CTNNA2: variants seen among roughly 807,000 people sequenced by gnomAD.
The protein encoded by CTNNA2 is catenin alpha 2, also known as catenin alpha-2.
In CTNNA2, 42 loss-of-function variants were observed where a neutral mutation model predicts 101.0. That is an observed-to-expected ratio of 0.42 (90% CI 0.32 to 0.54). The LOEUF is 0.54. Among genes scored for constraint, CTNNA2 ranks in the 20% least tolerant of loss-of-function variants. The probability of loss-of-function intolerance (pLI) is 0.14; values close to 1 mark genes in which losing one functional copy is unlikely to be tolerated. For missense variants in CTNNA2, 871 were observed against 1,223.1 expected, an observed-to-expected ratio of 0.71 and a Z score of 4.29; for synonymous variants, 450 against 456.4, an observed-to-expected ratio of 0.99 and a Z score of 0.18.
chr2:79,185,835 T>C (rs1459064890), intron 1 of CTNNA2, among the ~76,000 whole-genome samples: 2 of 152,018 alleles, frequency 1.3e-5, no homozygotes. Flanking sequence ...AACAGGGGAA[T>C]GGAGGGTGAA....
chr2:79,751,719 T>A (rs940975192), intron 3 of CTNNA2, among the ~76,000 whole-genome samples: 1 of 151,604 alleles, frequency 6.6e-6, no homozygotes, highest in Non-Finnish European at 1.5e-5. Context: ...GGACAGAAGC[T>A]ATCTACCTGG....
At chr2:79,889,751 G>C (rs1351365397) in intron 6 of CTNNA2, among the ~76,000 whole-genome samples, 1 of 152,156 alleles carries the variant, frequency 6.6e-6, no homozygotes, top group Admixed American at 6.5e-5. Flanking sequence ...TCCAGATTCA[G>C]CTGTGAAGCT....
intron 1 of CTNNA2, chr2:79,649,188 G>A (rs565236560): frequency 6.5e-6 from 1 of 154,450 alleles, no homozygotes; most frequent in South Asian, 2.0e-4. Context: ...CAGCATTTTT[G>A]TGTCATGTTT....
chr2:80,042,145 A>G (rs1229349434), intron 7 of CTNNA2, among the ~76,000 whole-genome samples: 4 of 152,082 alleles, frequency 2.6e-5, no homozygotes, highest in African/African-American at 4.8e-5. Context: ...TTGTATTTTT[A>G]GTGGAGACAG....
At chr2:80,220,950 C>A (rs374605151) in intron 7 of CTNNA2, among the ~76,000 whole-genome samples, 1 of 152,092 alleles carries the variant, frequency 6.6e-6, no homozygotes, top group Admixed American at 6.5e-5. Flanking sequence ...GGCACAATCT[C>A]GGCTCACTGC....
chr2:79,528,233 A>G (rs1672535076), intron 1 of CTNNA2, among the ~76,000 whole-genome samples: 1 of 151,642 alleles, frequency 6.6e-6, no homozygotes, highest in South Asian at 2.1e-4. Context: ...GGAGACACGG[A>G]GACAGGGTCT....
intron 7 of CTNNA2, among the ~76,000 whole-genome samples, chr2:80,336,156 G>T (rs1573757270): frequency 6.6e-6 from 1 of 152,152 alleles, no homozygotes; most frequent in Non-Finnish European, 1.5e-5. Context: ...CTGAAGGCTG[G>T]GAAGTCCAAG....
At chr2:79,192,347 C>T (rs1352790675) in intron 1 of CTNNA2, among the ~76,000 whole-genome samples, 1 of 152,180 alleles carries the variant, frequency 6.6e-6, no homozygotes, top group East Asian at 1.9e-4. Context: ...CAGTGTTCAA[C>T]ACAAAGTAGC....
chr2:79,419,275 T>C (rs1558662717), intron 4 of CTNNA2, among the ~76,000 whole-genome samples: 1 of 152,214 alleles, frequency 6.6e-6, no homozygotes, highest in Non-Finnish European at 1.5e-5. Flanking sequence ...ACAAAAATTA[T>C]TTAACTCATA....
intron 2 of CTNNA2, among the ~76,000 whole-genome samples, chr2:79,699,386 C>T (rs1684843853): frequency 6.6e-6 from 1 of 151,928 alleles, no homozygotes; most frequent in South Asian, 2.1e-4. Context: ...AAATTTTACA[C>T]ATAGATGATA....
At chr2:79,978,214 A>C (rs1691005609) in intron 7 of CTNNA2, among the ~76,000 whole-genome samples, 1 of 152,156 alleles carries the variant, frequency 6.6e-6, no homozygotes, top group Non-Finnish European at 1.5e-5. Flanking sequence ...CGGGCCATAC[A>C]TTTTGACCGT....
chr2:79,293,005 A>C (rs1675866086), intron 2 of CTNNA2: 1 of 152,236 alleles, frequency 6.6e-6, no homozygotes, highest in African/African-American at 2.4e-5. Context: ...GTCACCACCT[A>C]CCTGCTTTAT....
intron 2 of CTNNA2, among the ~76,000 whole-genome samples, chr2:79,292,429 T>A (rs1020956772): frequency 6.6e-6 from 1 of 152,224 alleles, no homozygotes; most frequent in Non-Finnish European, 1.5e-5. Flanking sequence ...CAAGGCAAGC[T>A]GGAAGAGAAG....
intron 7 of CTNNA2, among the ~76,000 whole-genome samples, chr2:80,017,036 T>A (rs1694198490): frequency 6.6e-6 from 1 of 152,192 alleles, no homozygotes; most frequent in Admixed American, 6.5e-5. Context: ...AGTAACTTTT[T>A]CTAAAAGCCT....
intron 2 of CTNNA2, among the ~76,000 whole-genome samples, chr2:79,664,116 G>A (rs1452547659): frequency 6.6e-6 from 1 of 152,116 alleles, no homozygotes; most frequent in Non-Finnish European, 1.5e-5. Flanking sequence ...ATGTGTTTTT[G>A]TATGTTGAAA....
At chr2:79,752,314 TTCTTAAAGGAGATAGTGA>T (rs1672099684) in intron 3 of CTNNA2, among the ~76,000 whole-genome samples, 1 of 152,336 alleles carries the variant, frequency 6.6e-6, no homozygotes, top group Non-Finnish European at 1.5e-5. Context: ...AATAGGATGT[TTCTTAAAGGAGATAGTGA>T]TCACTCTAGA....
intron 4 of CTNNA2, among the ~76,000 whole-genome samples, chr2:79,431,077 G>T (rs981919845): frequency 5.3e-5 from 8 of 152,084 alleles, no homozygotes; most frequent in African/African-American, 1.9e-4. Context: ...AACTAGAATT[G>T]TGAGGAGAAT....
chr2:79,653,829 A>G (rs1681424688), intron 2 of CTNNA2, among the ~76,000 whole-genome samples: 1 of 152,222 alleles, frequency 6.6e-6, no homozygotes, highest in African/African-American at 2.4e-5. Flanking sequence ...CTCCTCAGCT[A>G]AATATGTAAG....
In CTNNA2 at chr2:80,107,915, G is replaced by A. The variant is rs137937091; in HGVS notation, c.1056+198118G>A. On this transcript the variant is annotated intron_variant, in intron 7 of 18. Transcript: ENST00000402739. ...GCTCATGTGATCCCTCCCACAAGAG[G>A]TTGAGTGGGGCGGGCAGAGTAAGTT... Among the ~76,000 whole-genome samples the A allele has an allele frequency of 3.0e-3, 458 of 152,274 alleles. 4 individuals are homozygous for A. The highest frequency in any genetic ancestry group is 0.014 in the Middle Eastern group (4 of 294).
Sources: allele counts gnomAD v4.1 joint callset (sites outside exome capture counted in the v4.1 genomes callset), GRCh38; gene constraint gnomAD v4.1.1; transcripts MANE v1.5; gene names NCBI Gene and HGNC (gene_info 2026-07-23, HGNC 2026-07-21).